ITPR2: variants seen among roughly 807,000 people sequenced by gnomAD.
ITPR2 encodes inositol 1,4,5-trisphosphate-gated calcium channel ITPR2.
A neutral mutation model predicts 317.1 loss-of-function variants in ITPR2; 207 were observed. The observed-to-expected ratio is 0.65, with a 90% CI of 0.58 to 0.73. The LOEUF (loss-of-function observed/expected upper bound fraction) is 0.73, where lower values mean the gene tolerates loss of function less well. ITPR2 is among the 30% of genes least tolerant of loss of function. The pLI, the probability that ITPR2 is intolerant of heterozygous loss-of-function variation, is 0.00. For synonymous variants in ITPR2, 1,156 were observed against 1,149.1 expected, an observed-to-expected ratio of 1.01 and a Z score of -0.12; for missense variants, 2,613 against 3,284.0, an observed-to-expected ratio of 0.80 and a Z score of 4.99.
chr12:26,744,700 A>G lies in ITPR2; in HGVS notation c.164-18935T>C, dbSNP rs115654074. Reference sequence around the variant, plus strand: ...GGTACAATTTGAATTTTTATCACAAATGTGGATTATTTTGGATCGCAAACA... The same window carrying G: ...GGTACAATTTGAATTTTTATCACAAGTGTGGATTATTTTGGATCGCAAACA... On this transcript the variant is annotated intron_variant, in intron 2 of 56. Transcript: ENST00000381340. Among the ~76,000 whole-genome samples, 1,408 of 152,358 alleles carry G rather than the reference A, an allele frequency of 9.2e-3. 23 individuals are homozygous for G. Among genetic ancestry groups the G allele is most frequent in the African/African-American group, 0.031 (1,310 of 41,592 alleles).
chr12:26,450,855 G>A (rs921392236), intron 45 of ITPR2, among the ~76,000 whole-genome samples: 3 of 152,124 alleles, frequency 2.0e-5, no homozygotes, highest in South Asian at 4.1e-4. Flanking sequence ...GGAGGGGAAA[G>A]TCAGGAGGGA....
intron 26 of ITPR2, among the ~76,000 whole-genome samples, chr12:26,605,275 G>C (rs770056927): frequency 3.2e-4 from 48 of 151,924 alleles, no homozygotes; most frequent in South Asian, 1.0e-3. Flanking sequence ...TTTTCCATTT[G>C]ATAGCAAAAA....
intron 45 of ITPR2, among the ~76,000 whole-genome samples, chr12:26,468,605 A>G (rs1032676641): frequency 6.6e-6 from 1 of 152,014 alleles, no homozygotes; most frequent in Non-Finnish European, 1.5e-5. Flanking sequence ...TGTACACAAG[A>G]AACGTAAGCT....
intron 45 of ITPR2, among the ~76,000 whole-genome samples, chr12:26,448,524 C>G (rs369231896): frequency 6.6e-6 from 1 of 152,044 alleles, no homozygotes; most frequent in Admixed American, 6.6e-5. Context: ...CTTATTAGGT[C>G]ATTATTGCAA....
At chr12:26,509,288 G>C (rs1030005919) in intron 37 of ITPR2, among the ~76,000 whole-genome samples, 1 of 152,174 alleles carries the variant, frequency 6.6e-6, no homozygotes, top group Admixed American at 6.5e-5. Context: ...TCTTTTAGGG[G>C]TGATGAAAAT....
chr12:26,706,647 C>T (rs1474167853), intron 9 of ITPR2, among the ~76,000 whole-genome samples: 1 of 152,140 alleles, frequency 6.6e-6, no homozygotes, highest in Non-Finnish European at 1.5e-5. Context: ...ATTCATATTG[C>T]TATCATAAAT....
chr12:26,646,002 CTG>C (rs1416829984), intron 21 of ITPR2, among the ~76,000 whole-genome samples: 1 of 111,518 alleles, frequency 9.0e-6, no homozygotes, highest in African/African-American at 3.5e-5. Context: ...GTAAGATACT[CTG>C]AGTATATCCA....
chr12:26,636,298 T>C (rs902324602), intron 21 of ITPR2, among the ~76,000 whole-genome samples: 1 of 152,230 alleles, frequency 6.6e-6, no homozygotes, highest in African/African-American at 2.4e-5. Flanking sequence ...ATTTCGGTCA[T>C]GGCATTAACA....
At chr12:26,408,407 C>T (rs889303889) in intron 52 of ITPR2, among the ~76,000 whole-genome samples, 3 of 152,140 alleles carry the variant, frequency 2.0e-5, no homozygotes, top group African/African-American at 4.8e-5. Flanking sequence ...ATAGTAATAA[C>T]GTATGAAATA....
intron 50 of ITPR2, among the ~76,000 whole-genome samples, chr12:26,416,513 A>C (rs1940725598): frequency 1.3e-5 from 2 of 152,288 alleles, no homozygotes; most frequent in South Asian, 4.1e-4. Flanking sequence ...ATACCCTTTC[A>C]GGACCTTGTC....
At chr12:26,772,915 C>A (rs1405099826) in intron 2 of ITPR2, among the ~76,000 whole-genome samples, 2 of 151,980 alleles carry the variant, frequency 1.3e-5, no homozygotes, top group African/African-American at 4.8e-5. Flanking sequence ...GTCCTCCACC[C>A]ATCGAGAGGC....
chr12:26,601,006 T>C (rs910025118), intron 28 of ITPR2, among the ~76,000 whole-genome samples: 1 of 152,178 alleles, frequency 6.6e-6, no homozygotes, highest in Non-Finnish European at 1.5e-5. Context: ...TGAATATCCT[T>C]ATTCATTGCC....
At chr12:26,593,887 CT>C (rs1444115753) in intron 32 of ITPR2, among the ~76,000 whole-genome samples, 4 of 152,182 alleles carry the variant, frequency 2.6e-5, no homozygotes, top group Non-Finnish European at 5.9e-5. Context: ...ATCCTTTCAG[CT>C]TTATAGCTCA....
intron 13 of ITPR2, among the ~76,000 whole-genome samples, chr12:26,671,329 C>T (rs1947765507): frequency 2.0e-5 from 3 of 152,160 alleles, no homozygotes; most frequent in African/African-American, 7.2e-5. Context: ...AAGGGAAGCC[C>T]ATCAGACTAA....
At chr12:26,455,034 T>C (rs1327974086) in intron 45 of ITPR2, among the ~76,000 whole-genome samples, 5 of 152,112 alleles carry the variant, frequency 3.3e-5, no homozygotes, top group East Asian at 1.9e-4. Flanking sequence ...CTCATAGTCT[T>C]GACAAAGCCA....
At chr12:26,509,958 TTGTGTGTGTG>T (rs56063133) in intron 37 of ITPR2, among the ~76,000 whole-genome samples, 4,794 of 53,388 alleles carry the variant, frequency 0.09, 151 homozygotes, top group South Asian at 0.2. Context: ...GATAAGGGTT[TTGTGTGTGTG>T]TGTGTGTGTG....
At chr12:26,682,241 T>C (rs1948048379) in intron 12 of ITPR2, among the ~76,000 whole-genome samples, 1 of 152,196 alleles carries the variant, frequency 6.6e-6, no homozygotes, top group Non-Finnish European at 1.5e-5. Flanking sequence ...AAAGCCCCAC[T>C]GGAAACTTCT....
intron 2 of ITPR2, among the ~76,000 whole-genome samples, chr12:26,784,319 GC>G (rs1565762490): frequency 3.2e-5 from 1 of 31,706 alleles, no homozygotes; most frequent in Non-Finnish European, 5.5e-5. Context: ...CTCTCCCTCT[GC>G]CTCTCCCTCT....
intron 37 of ITPR2, among the ~76,000 whole-genome samples, chr12:26,548,049 G>A (rs1944431549): frequency 6.6e-6 from 1 of 152,120 alleles, no homozygotes; most frequent in Admixed American, 6.6e-5. Flanking sequence ...ACCTCTCTGG[G>A]ACTCTGTGGC....
Sources: gnomAD v4.1 joint callset for allele counts (sites outside exome capture counted in the v4.1 genomes callset) on GRCh38, gnomAD v4.1.1 for gene constraint, MANE v1.5 for transcripts, NCBI Gene and HGNC (gene_info 2026-07-23, HGNC 2026-07-21) for gene names.